Variants in TMEM132C observed in about 807,000 individuals in gnomAD.
The protein encoded by TMEM132C is transmembrane protein 132C, also known as protein phosphatase 1, regulatory subunit 152.
In TMEM132C, 29 loss-of-function variants were observed where a neutral mutation model predicts 61.4. That is an observed-to-expected ratio of 0.47 (90% CI 0.35 to 0.64). TMEM132C has a LOEUF of 0.64. Ranked by LOEUF, TMEM132C falls within the 30% of genes least tolerant of loss-of-function variation. The pLI is 0.00. For synonymous variants in TMEM132C, 656 were observed against 633.1 expected, an observed-to-expected ratio of 1.04 and a Z score of -0.54; for missense variants, 1,408 against 1,476.9, an observed-to-expected ratio of 0.95 and a Z score of 0.76.
intron 1 of TMEM132C, among the ~76,000 whole-genome samples, chr12:128,283,528 ATCTC>A (rs148681401): frequency 1.3e-5 from 2 of 148,670 alleles, no homozygotes; most frequent in East Asian, 4.0e-4. Context: ...GTATCTAGGC[ATCTC>A]TCTCTCTCTC....
intron 8 of TMEM132C, among the ~76,000 whole-genome samples, chr12:128,700,455 G>A (rs760866881): frequency 6.6e-6 from 1 of 152,100 alleles, no homozygotes; most frequent in Non-Finnish European, 1.5e-5. Flanking sequence ...CTTTAATTCC[G>A]ATTGTCTGCT....
intron 1 of TMEM132C, among the ~76,000 whole-genome samples, chr12:128,281,757 C>T (rs1207582244): frequency 1.3e-5 from 2 of 152,194 alleles, no homozygotes; most frequent in South Asian, 4.1e-4. Flanking sequence ...CCATCTCTGG[C>T]TGTGCCTTTG....
intron 3 of TMEM132C, among the ~76,000 whole-genome samples, chr12:128,591,360 A>G (rs1209149658): frequency 2.6e-5 from 4 of 151,914 alleles, no homozygotes; most frequent in African/African-American, 9.7e-5. Context: ...CAGTGGAATC[A>G]TAGTGTGTAG....
chr12:128,276,888 GTGCA>G (rs985095213), intron 1 of TMEM132C, among the ~76,000 whole-genome samples: 3 of 85,804 alleles, frequency 3.5e-5, no homozygotes, highest in Admixed American at 1.3e-4. Context: ...ATGCATGTGC[GTGCA>G]TGCACACACA....
rs1873859898 is a variant in TMEM132C, at chr12:128,544,093, C to G, written c.1111C>G (p.Pro371Ala). The G allele has an allele frequency of 1.3e-6, 2 of 1,536,448 alleles. No homozygotes were observed. Among genetic ancestry groups the G allele is most frequent in the Admixed American group, 4.1e-5 (2 of 48,622 alleles). ...TVACQRLGPS[P>A]RNRSSSLFNE... ...GGCCTGCCAGCGCCTGGGGCCCAGC[C>G]CACGCAACAGGTAAGCGGTGCCCTC... Residue 371 changes from proline to alanine, a missense_variant, in exon 3 of 9, where the codon CCA becomes GCA. Pro to Ala is a conservative substitution (Grantham distance 27). Transcript: ENST00000435159.
intron 1 of TMEM132C, among the ~76,000 whole-genome samples, chr12:128,356,416 C>T (rs940445939): frequency 2.0e-5 from 3 of 152,174 alleles, no homozygotes; most frequent in East Asian, 1.9e-4. Context: ...ATCAATAAAA[C>T]GCGTCGACTC....
intron 2 of TMEM132C, among the ~76,000 whole-genome samples, chr12:128,512,606 G>A (rs1489402414): frequency 1.3e-5 from 2 of 152,248 alleles, no homozygotes; most frequent in African/African-American, 2.4e-5. Flanking sequence ...TGGATATGCT[G>A]TTGGGTATGG....
At chr12:128,317,010 A>G (rs567047108) in intron 1 of TMEM132C, among the ~76,000 whole-genome samples, 79 of 152,338 alleles carry the variant, frequency 5.2e-4, no homozygotes, top group African/African-American at 1.8e-3. Context: ...TTTAGAATGC[A>G]GTTACATAAA....
At chr12:128,609,889 C>T (rs533094156) in intron 3 of TMEM132C, among the ~76,000 whole-genome samples, 120 of 152,356 alleles carry the variant, frequency 7.9e-4, no homozygotes, top group Non-Finnish European at 1.3e-3. Context: ...ATCTGAAGTT[C>T]TAGCTTTGTA....
Position 128,616,354 on chromosome 12 carries a change from T to A in TMEM132C, c.1305+19T>A. On this transcript the variant is annotated intron_variant, in intron 4 of 8. Coordinates refer to ENST00000435159, the MANE Select transcript of TMEM132C (RefSeq NM_001136103.3). ...GGCTATGGTGAGTCCTGAGTTACCT[T>A]GGATGCTCCTGCATTCAGCCACCTG... 1 of 1,542,794 alleles carries A rather than the reference T, an allele frequency of 6.5e-7. No individual in the cohort carries two copies. Among genetic ancestry groups the A allele is most frequent in the Non-Finnish European group, 8.8e-7 (1 of 1,141,470 alleles).
chr12:128,356,653 T>A (rs959388718), intron 1 of TMEM132C, among the ~76,000 whole-genome samples: 1 of 152,232 alleles, frequency 6.6e-6, no homozygotes, highest in Non-Finnish European at 1.5e-5. Context: ...GGACACTTCC[T>A]GCTTTCATGG....
At chr12:128,283,464 A>G (rs1010373993) in intron 1 of TMEM132C, among the ~76,000 whole-genome samples, 1 of 151,992 alleles carries the variant, frequency 6.6e-6, no homozygotes, top group African/African-American at 2.4e-5. Flanking sequence ...TTGTGCACAC[A>G]TTGGCCTTTC....
chr12:128,641,318 G>A (rs1408437436), intron 4 of TMEM132C, among the ~76,000 whole-genome samples: 5 of 152,154 alleles, frequency 3.3e-5, no homozygotes, highest in Non-Finnish European at 4.4e-5. Flanking sequence ...GATCTGGAGT[G>A]GGTTGGGTTG....
intron 1 of TMEM132C, among the ~76,000 whole-genome samples, chr12:128,290,588 C>T (rs1463965137): frequency 2.6e-5 from 4 of 152,140 alleles, no homozygotes; most frequent in South Asian, 2.1e-4. Flanking sequence ...ATTGAATTGT[C>T]AAATAGGGTC....
At chr12:128,660,740 T>C (rs922675180) in intron 4 of TMEM132C, among the ~76,000 whole-genome samples, 2 of 152,206 alleles carry the variant, frequency 1.3e-5, no homozygotes, top group African/African-American at 4.8e-5. Context: ...CTTAGGGCTC[T>C]CAGGTCTCTG....
chr12:128,617,864 G>A (rs921914243), intron 4 of TMEM132C, among the ~76,000 whole-genome samples: 4 of 152,240 alleles, frequency 2.6e-5, no homozygotes, highest in Non-Finnish European at 5.9e-5. Context: ...GTAAACACTT[G>A]GAAGTCAGAG....
chr12:128,378,233 GC>G (rs1874271311), intron 1 of TMEM132C, among the ~76,000 whole-genome samples: 2 of 151,594 alleles, frequency 1.3e-5, no homozygotes, highest in African/African-American at 4.9e-5. Flanking sequence ...TCCTGCCTTA[GC>G]CTCCCGAGTA....
chr12:128,297,381 T>G (rs1386359608), intron 1 of TMEM132C, among the ~76,000 whole-genome samples: 1 of 152,228 alleles, frequency 6.6e-6, no homozygotes, highest in Non-Finnish European at 1.5e-5. Flanking sequence ...GCAGCCAGAT[T>G]CATTTAAAGT....
At chr12:128,304,324 A>G (rs1217406983) in intron 1 of TMEM132C, among the ~76,000 whole-genome samples, 2 of 152,150 alleles carry the variant, frequency 1.3e-5, no homozygotes, top group Non-Finnish European at 2.9e-5. Flanking sequence ...AGCTTTAGAA[A>G]CAGCCTTTCA....
Sources: allele counts gnomAD v4.1 joint callset (sites outside exome capture counted in the v4.1 genomes callset), GRCh38; gene constraint gnomAD v4.1.1; transcripts MANE v1.5; gene names NCBI Gene and HGNC (gene_info 2026-07-23, HGNC 2026-07-21).